LRRC40: variants seen among roughly 807,000 people sequenced by gnomAD.
LRRC40 encodes the protein leucine-rich repeat-containing protein 40.
LRRC40 carries 76 observed loss-of-function variants against 72.8 expected under a neutral mutation model. The ratio of observed to expected loss-of-function variants is 1.04; its 90% CI spans 0.87 to 1.26. LRRC40 has a LOEUF of 1.26. Among genes scored for constraint, LRRC40 ranks in the 50% most tolerant of loss-of-function variants. LRRC40 has a pLI of 0.00. For synonymous variants in LRRC40, 243 were observed against 254.2 expected, an observed-to-expected ratio of 0.96 and a Z score of 0.42; for missense variants, 684 against 698.9, an observed-to-expected ratio of 0.98 and a Z score of 0.24.
intron 14 of LRRC40, chr1:70,147,204 G>C (rs895899637): frequency 6.6e-6 from 1 of 152,174 alleles, no homozygotes; most frequent in Non-Finnish European, 1.5e-5. Flanking sequence ...AGGTGAGACT[G>C]AACAAGGTGA....
chr1:70,176,082 A>C, intron 6 of LRRC40, 100 bp from the exon 7 acceptor site: 2 of 618,940 alleles, frequency 3.2e-6, no homozygotes, highest in Non-Finnish European at 2.5e-6. Flanking sequence ...GTGATTGAAA[A>C]ACACATAGAA....
At chr1:70,194,747 A>C (rs1668571689) in intron 1 of LRRC40, among the ~76,000 whole-genome samples, 1 of 152,146 alleles carries the variant, frequency 6.6e-6, no homozygotes, top group Admixed American at 6.5e-5. Context: ...ATGCAAAAGA[A>C]CTAAATTAGG....
intron 1 of LRRC40, among the ~76,000 whole-genome samples, chr1:70,197,290 T>G (rs1014042428): frequency 1.3e-5 from 2 of 152,066 alleles, no homozygotes; most frequent in South Asian, 2.1e-4. Context: ...TTTTTTATTT[T>G]ATTTTATTTT....
chr1:70,150,367 ATGAGTTAT>A (rs1389767433), intron 13 of LRRC40, among the ~76,000 whole-genome samples: 1 of 152,210 alleles, frequency 6.6e-6, no homozygotes, highest in African/African-American at 2.4e-5. Context: ...CATACCTTAG[ATGAGTTAT>A]TTAGCTTCTA....
At chr1:70,148,219 G>T (rs1667363519) in intron 14 of LRRC40, among the ~76,000 whole-genome samples, 1 of 151,010 alleles carries the variant, frequency 6.6e-6, no homozygotes, top group African/African-American at 2.4e-5. Context: ...AGAGATTCAG[G>T]TTATAAACAT....
intron 11 of LRRC40, among the ~76,000 whole-genome samples, chr1:70,154,961 T>C (rs925688906): frequency 6.6e-6 from 1 of 152,168 alleles, no homozygotes; most frequent in African/African-American, 2.4e-5. Context: ...TTGACTATAT[T>C]GCTCAAGTTC....
chr1:70,165,386 A>G (rs1667859512), intron 9 of LRRC40, among the ~76,000 whole-genome samples: 1 of 152,204 alleles, frequency 6.6e-6, no homozygotes, highest in Admixed American at 6.5e-5. Flanking sequence ...TTTCTTTGAC[A>G]CAGTGGAGTC....
chr1:70,160,288 G>A (rs1667728597), intron 9 of LRRC40, among the ~76,000 whole-genome samples: 1 of 152,100 alleles, frequency 6.6e-6, no homozygotes. Flanking sequence ...CAGCCCAGTA[G>A]GCATTCAATA....
chr1:70,161,600 G>A (rs1302572185), intron 9 of LRRC40, among the ~76,000 whole-genome samples: 1 of 151,912 alleles, frequency 6.6e-6, no homozygotes, highest in Non-Finnish European at 1.5e-5. Context: ...TATTCATTTG[G>A]TGAGTTTGGA....
intron 1 of LRRC40, among the ~76,000 whole-genome samples, chr1:70,191,878 T>C (rs777224131): frequency 3.3e-5 from 5 of 152,016 alleles, no homozygotes; most frequent in African/African-American, 4.8e-5. Flanking sequence ...ATTTAAAGAG[T>C]AGCATAATGA....
chr1:70,151,858 TATAACTACTAATA>T (rs1667502848), intron 12 of LRRC40: 1 of 152,080 alleles, frequency 6.6e-6, no homozygotes, highest in African/African-American at 2.4e-5. Flanking sequence ...TAGGAGCCAA[TATAACTACTAATA>T]ATGAAAATAC....
intron 13 of LRRC40, among the ~76,000 whole-genome samples, chr1:70,149,458 C>T (rs3767214): frequency 0.096 from 14,563 of 152,210 alleles, 861 homozygotes; most frequent in East Asian, 0.3. Flanking sequence ...GCCAAGAGTA[C>T]AGATGGACCA....
chr1:70,186,291 T>C (rs756007128), intron 3 of LRRC40, among the ~76,000 whole-genome samples: 17 of 152,180 alleles, frequency 1.1e-4, no homozygotes, highest in Non-Finnish European at 2.9e-5. Context: ...GCCATGTCAC[T>C]CAACACTTAC....
intron 1 of LRRC40, among the ~76,000 whole-genome samples, chr1:70,197,948 G>A (rs1382287481): frequency 9.2e-5 from 14 of 152,028 alleles, no homozygotes; most frequent in Admixed American, 7.9e-4. Context: ...TTTTAGTAGA[G>A]ACGAAGTTTT....
Position 70,180,992 on chromosome 1 carries a change from C to T in LRRC40, c.661+94G>A, listed in dbSNP as rs1213735037. The T allele has an allele frequency of 3.3e-6, 3 of 919,020 alleles. No homozygotes were observed. In the East Asian group the frequency reaches 9.3e-5, roughly 29 times the overall value. 56.9% of individuals were successfully genotyped at this position (919,020 alleles called of 1,614,324 possible). On this transcript the variant is annotated intron_variant, in intron 5 of 14. Coordinates refer to ENST00000370952, the MANE Select transcript of LRRC40 (RefSeq NM_017768.5). ...CATTTACCACTATAAAAATCTACTA[C>T]TTTAGTTCTCTGTAACTATATTAAA...
chr1:70,201,798 C>T (rs1450094531), intron 1 of LRRC40, among the ~76,000 whole-genome samples: 1 of 152,050 alleles, frequency 6.6e-6, no homozygotes, highest in Non-Finnish European at 1.5e-5. Context: ...CATGGAGAAA[C>T]CCCGTCTCTA....
At position 70,181,098 on chromosome 1, in the gene LRRC40, T is replaced by C; in HGVS notation, c.649A>G (p.Asn217Asp). The C allele has an allele frequency of 6.5e-7, 1 of 1,539,128 alleles. No homozygotes were observed. Among genetic ancestry groups the C allele is most frequent in the East Asian group, 2.3e-5 (1 of 43,908 alleles). ...NELKSLPAEI[N>D]RMKRLKHLDC... Reference sequence around the variant, plus strand: ...AGAAAATATTTACTTTTCATTCTATTTATTTCTGCTGGCAAACTCTTCAGT... The same window carrying C: ...AGAAAATATTTACTTTTCATTCTATCTATTTCTGCTGGCAAACTCTTCAGT... Residue 217 changes from asparagine to aspartate, a missense_variant, in exon 5 of 15, where the codon AAT (asparagine) becomes GAT (aspartate). By Grantham distance (23) the Asn-to-Asp change is conservative. Transcript: ENST00000370952.
At chr1:70,166,553 A>G (rs1667883426) in intron 9 of LRRC40, among the ~76,000 whole-genome samples, 1 of 152,120 alleles carries the variant, frequency 6.6e-6, no homozygotes, top group Non-Finnish European at 1.5e-5. Context: ...GCTACTTGGA[A>G]GGCTGAGGCA....
intron 13 of LRRC40, among the ~76,000 whole-genome samples, chr1:70,149,728 T>G (rs1558107234): frequency 6.6e-6 from 1 of 152,072 alleles, no homozygotes; most frequent in South Asian, 2.1e-4. Flanking sequence ...GGACAAGTAA[T>G]GGAGCAGACA....
Sources: allele counts gnomAD v4.1 joint callset (sites outside exome capture counted in the v4.1 genomes callset), GRCh38; gene constraint gnomAD v4.1.1; transcripts MANE v1.5; gene names NCBI Gene and HGNC (gene_info 2026-07-23, HGNC 2026-07-21).